Variants in TLL1 observed in about 807,000 individuals in gnomAD.
TLL1 encodes the protein tolloid like 1.
In TLL1, 49 loss-of-function variants were observed where a neutral mutation model predicts 128.2. That is an observed-to-expected ratio of 0.38 (90% CI 0.30 to 0.48). TLL1 has a LOEUF of 0.48. Ranked by LOEUF, TLL1 falls within the 20% of genes least tolerant of loss-of-function variation. TLL1 has a pLI of 0.96. For synonymous variants in TLL1, 454 were observed against 418.8 expected (o/e 1.08, Z -1.03); for missense variants, 1,123 against 1,242.0 (o/e 0.90, Z 1.44).
chr4:166,014,301 A>C, intron 7 of TLL1, 135 bp from the exon 8 acceptor site: 1 of 1,306,552 alleles, frequency 7.7e-7, no homozygotes, highest in Non-Finnish European at 1.1e-6. Flanking sequence ...TGAAAGCCTG[A>C]TACACTGCTT....
At chr4:165,894,331 A>C (rs1183116196) in intron 1 of TLL1, among the ~76,000 whole-genome samples, 1 of 152,292 alleles carries the variant, frequency 6.6e-6, no homozygotes, top group African/African-American at 2.4e-5. Context: ...AACACACTAC[A>C]GGGGAACATA....
At chr4:166,022,528 A>G (rs922389950) in intron 8 of TLL1, among the ~76,000 whole-genome samples, 5 of 152,142 alleles carry the variant, frequency 3.3e-5, no homozygotes, top group East Asian at 1.9e-4. Context: ...TTGTGTGTCT[A>G]CTTATGTTAT....
At chr4:165,991,044 A>G (rs565296009) in intron 2 of TLL1, among the ~76,000 whole-genome samples, 2 of 152,152 alleles carry the variant, frequency 1.3e-5, no homozygotes, top group South Asian at 4.1e-4. Flanking sequence ...TGCTAGAGTT[A>G]TTATAAGTTG....
intron 4 of TLL1, 95 bp from the exon 5 acceptor site, chr4:165,994,965 TC>T: frequency 1.1e-6 from 1 of 951,592 alleles, no homozygotes; most frequent in Non-Finnish European, 1.7e-6. Context: ...GTGGTGGCAT[TC>T]TGCACTGCTC....
chr4:165,954,643 T>C (rs914605370), intron 1 of TLL1, among the ~76,000 whole-genome samples: 2 of 151,946 alleles, frequency 1.3e-5, no homozygotes, highest in Non-Finnish European at 2.9e-5. Flanking sequence ...AATGCACACA[T>C]TGCATATGAA....
At chr4:165,890,291 C>G (rs572646007) in intron 1 of TLL1, among the ~76,000 whole-genome samples, 2 of 152,174 alleles carry the variant, frequency 1.3e-5, no homozygotes, top group African/African-American at 4.8e-5. Context: ...GCCACTGGCC[C>G]CTCCAAAATC....
Position 165,895,633 on chromosome 4 carries a change from TAAAAAAAAAAAAAA to T in TLL1, c.169+21576_169+21589del, listed in dbSNP as rs57920393. ...CCAAAAAGCTCAGTAAGACTTTTTG[TAAAAAAAAAAAAAA>T]AAAAAAAAAAAAAAAGACACTGTAA... On this transcript the variant is annotated intron_variant, in intron 1 of 20. Coordinates refer to ENST00000061240, the MANE Select transcript of TLL1 (RefSeq NM_012464.5). 1.8e-3 allele frequency among the ~76,000 whole-genome samples: 123 copies of T among 68,456 alleles called. 3 individuals carry two copies. Among genetic ancestry groups the T allele is most frequent in the African/African-American group, 0.012 (117 of 9,932 alleles). 44.9% of individuals were successfully genotyped at this position (68,456 alleles called of 152,430 possible).
chr4:165,997,464 G>C (rs1736938836), intron 5 of TLL1, among the ~76,000 whole-genome samples: 1 of 152,102 alleles, frequency 6.6e-6, no homozygotes, highest in African/African-American at 2.4e-5. Flanking sequence ...AATCTAATAA[G>C]AAACACATCT....
At chr4:165,884,143 T>G (rs2110817090) in intron 1 of TLL1, among the ~76,000 whole-genome samples, 1 of 152,298 alleles carries the variant, frequency 6.6e-6, no homozygotes, top group African/African-American at 2.4e-5. Context: ...ACCCGAGGGA[T>G]TTACAGAAGT....
At chr4:165,914,390 G>A (rs1252897572) in intron 1 of TLL1, among the ~76,000 whole-genome samples, 1 of 152,126 alleles carries the variant, frequency 6.6e-6, no homozygotes, top group Non-Finnish European at 1.5e-5. Flanking sequence ...CAATTTGTCT[G>A]TCAGGAAAGT....
chr4:165,900,978 CATTAAGTTGATCTTCAACCTCTGAT>C (rs1731958164), intron 1 of TLL1, among the ~76,000 whole-genome samples: 1 of 150,020 alleles, frequency 6.7e-6, no homozygotes, highest in Non-Finnish European at 1.5e-5. Context: ...TGCTTTATTT[CATTAAGTTGATCTTCAACCTCTGAT>C]ATTTTTTCTT....
chr4:166,068,573 T>C (rs1013428194), intron 16 of TLL1, among the ~76,000 whole-genome samples: 2 of 151,890 alleles, frequency 1.3e-5, no homozygotes, highest in Admixed American at 1.3e-4. Context: ...TTACTGGATT[T>C]ATTGTCACAA....
chr4:166,086,287 G>A lies in TLL1; in HGVS notation c.2443-4841G>A, dbSNP rs1741510803. On this transcript the variant is annotated intron_variant, in intron 18 of 20. Transcript: ENST00000061240. ...ATCGAGACTTAGGCATTATAATGCAGTTATTACCTTTTATGGACTGTTCTA... is the reference window on the plus strand; with the variant it reads ...ATCGAGACTTAGGCATTATAATGCAATTATTACCTTTTATGGACTGTTCTA... 3.9e-5 allele frequency among the ~76,000 whole-genome samples: 6 copies of A among 152,208 alleles called. No homozygotes were observed. The South Asian group carries it at 1.2e-3, about 32-fold the overall frequency.
intron 9 of TLL1, 85 bp from the exon 10 acceptor site, chr4:166,039,254 C>T (rs1579658266): frequency 1.1e-6 from 1 of 890,662 alleles, no homozygotes. Flanking sequence ...TACTGTAGAC[C>T]AGGGTTCCTT....
intron 1 of TLL1, among the ~76,000 whole-genome samples, chr4:165,977,051 C>G (rs1047332989): frequency 2.0e-5 from 3 of 151,968 alleles, no homozygotes; most frequent in Non-Finnish European, 4.4e-5. Context: ...TAATCTTTAA[C>G]TATAACAAAA....
rs75960118 is a variant in TLL1 at position 165,946,305 on chromosome 4, G to A, written c.170-43076G>A. Among the ~76,000 whole-genome samples, 469 of 151,976 alleles carry A rather than the reference G, an allele frequency of 3.1e-3. 4 individuals are homozygous for A. The highest frequency in any genetic ancestry group is 0.01 in the African/African-American group (424 of 41,494). ...CTGAGCCAAGACCGACAGGAGTTGT[G>A]AGATAAATAATGTGTTAAGCCACTA... is the stretch of plus-strand genomic sequence containing the variant. On this transcript the variant is annotated intron_variant, in intron 1 of 20. Coordinates refer to ENST00000061240, the MANE Select transcript of TLL1 (RefSeq NM_012464.5).
chr4:166,059,799 CATA>C (rs1740217591), intron 14 of TLL1, among the ~76,000 whole-genome samples: 1 of 151,824 alleles, frequency 6.6e-6, no homozygotes, highest in South Asian at 2.1e-4. Flanking sequence ...TTAGTACAGC[CATA>C]ATATTCTCGG....
chr4:166,007,259 T>C (rs1385418661), intron 6 of TLL1, among the ~76,000 whole-genome samples: 3 of 151,684 alleles, frequency 2.0e-5, no homozygotes, highest in African/African-American at 7.2e-5. Context: ...AATTGAAAAA[T>C]CTGTTAAAAA....
At chr4:166,046,268 AG>A (rs1204544733) in intron 12 of TLL1, among the ~76,000 whole-genome samples, 1 of 152,200 alleles carries the variant, frequency 6.6e-6, no homozygotes, top group African/African-American at 2.4e-5. Context: ...TTCCATGCAG[AG>A]GGAAACAAGC....
Sources: gnomAD v4.1 joint callset for allele counts (sites outside exome capture counted in the v4.1 genomes callset) on GRCh38, gnomAD v4.1.1 for gene constraint, MANE v1.5 for transcripts, NCBI Gene and HGNC (gene_info 2026-07-23, HGNC 2026-07-21) for gene names.